Variants in EED observed in about 807,000 individuals in gnomAD.
The protein encoded by EED is embryonic ectoderm development, also known as polycomb protein EED.
EED carries 9 observed loss-of-function variants against 61.0 expected under a neutral mutation model. The ratio of observed to expected loss-of-function variants is 0.15; its 90% CI spans 0.09 to 0.26. EED has a LOEUF of 0.26. Among genes scored for constraint, EED ranks in the 10% least tolerant of loss-of-function variants. EED has a pLI of 1.00. For missense variants in EED, 315 were observed against 542.3 expected (o/e 0.58, Z 4.16); for synonymous variants, 187 against 174.4 (o/e 1.07, Z -0.57).
chr11:86,282,151 T>C (rs1946331738), downstream of EED, among the ~76,000 whole-genome samples: 1 of 152,238 alleles, frequency 6.6e-6, no homozygotes, highest in East Asian at 1.9e-4. Context: ...ATTTACTCTA[T>C]ATTTCCAAGA....
chr11:86,262,547 C>G (rs74977253), intron 6 of EED, among the ~76,000 whole-genome samples: 450 of 152,142 alleles, frequency 3.0e-3, no homozygotes, highest in African/African-American at 0.01. Flanking sequence ...CTCACACCCT[C>G]TCCTTCCCTT....
At chr11:86,258,948 C>T (rs1945756955) in intron 6 of EED, among the ~76,000 whole-genome samples, 1 of 151,870 alleles carries the variant, frequency 6.6e-6, no homozygotes, top group African/African-American at 2.4e-5. Flanking sequence ...CTCACTGCAA[C>T]CTCTGCCTCC....
downstream of EED, chr11:86,283,805 T>G (rs773911630): frequency 7.5e-6 from 1 of 133,006 alleles, no homozygotes; most frequent in Non-Finnish European, 1.6e-5. Flanking sequence ...TTAAGAAATA[T>G]AGAGGATAAA....
chr11:86,266,695 A>C (rs1945989609), intron 8 of EED, among the ~76,000 whole-genome samples: 1 of 152,120 alleles, frequency 6.6e-6, no homozygotes, highest in Non-Finnish European at 1.5e-5. Context: ...ACTTGATTAA[A>C]TGGAGAGAAT....
intron 7 of EED, chr11:86,264,684 T>C (rs939345712): frequency 6.5e-6 from 1 of 153,558 alleles, no homozygotes; most frequent in African/African-American, 2.4e-5. Flanking sequence ...GTGCTCACAC[T>C]GTTTTAGGTA....
intron 4 of EED, among the ~76,000 whole-genome samples, 169 bp from the exon 5 acceptor site, chr11:86,256,218 T>C (rs756939091): frequency 2.0e-5 from 3 of 152,250 alleles, no homozygotes; most frequent in Non-Finnish European, 2.9e-5. Context: ...GTTTGATCAT[T>C]TGTTATGGAT....
At chr11:86,249,553 G>A (rs1279919733) in intron 1 of EED, among the ~76,000 whole-genome samples, 1 of 152,164 alleles carries the variant, frequency 6.6e-6, no homozygotes, top group East Asian at 1.9e-4. Context: ...ACTCGTGTGT[G>A]AGATAAGGTA....
intron 9 of EED, among the ~76,000 whole-genome samples, chr11:86,272,348 G>A (rs1259450358): frequency 1.3e-5 from 2 of 151,808 alleles, no homozygotes; most frequent in Non-Finnish European, 2.9e-5. Flanking sequence ...GTGAGCCACC[G>A]CGCCCGGCCA....
chr11:86,245,169 G>C lies in EED; in HGVS notation c.-61G>C. ...CGGCAAGCTCGGGCCGGGCTTGCTT[G>C]ACGGCGGTGTGGCGGAGGCCCCGCC... On this transcript the variant is annotated 5_prime_UTR_variant, in exon 1 of 12. Transcript: ENST00000263360. The C allele has an allele frequency of 7.0e-7, 1 of 1,429,040 alleles. No individual in the cohort carries two copies. Among genetic ancestry groups the C allele is most frequent in the Non-Finnish European group, 9.7e-7 (1 of 1,027,522 alleles). 88.5% of individuals were successfully genotyped at this position (1,429,040 alleles called of 1,614,324 possible). A position where few individuals can be genotyped will look rare whatever the true frequency, so the allele number is the denominator to read the frequency against.
At chr11:86,283,245 C>T (rs1411179110), downstream of EED, among the ~76,000 whole-genome samples, 5 of 152,074 alleles carry the variant, frequency 3.3e-5, no homozygotes, top group Admixed American at 1.3e-4. Context: ...GAAGCAAGCT[C>T]TATGGCTGAG....
At chr11:86,247,003 A>G (rs891840104) in intron 1 of EED, among the ~76,000 whole-genome samples, 1 of 152,234 alleles carries the variant, frequency 6.6e-6, no homozygotes, top group Admixed American at 6.5e-5. Flanking sequence ...TACTACTACT[A>G]ATTTTATGAT....
chr11:86,261,525 G>A (rs1254065466), intron 6 of EED, among the ~76,000 whole-genome samples: 2 of 152,332 alleles, frequency 1.3e-5, no homozygotes, highest in South Asian at 2.1e-4. Context: ...TGGGATTTGG[G>A]GGATGGCTTT....
chr11:86,286,026 C>G, the EED span, among the ~76,000 whole-genome samples: 2 of 151,858 alleles, frequency 1.3e-5, no homozygotes, highest in African/African-American at 2.4e-5. Flanking sequence ...AAACTCTGCA[C>G]AAAAGTAACT....
chr11:86,285,367 C>A, the EED span, among the ~76,000 whole-genome samples: 3 of 152,008 alleles, frequency 2.0e-5, no homozygotes, highest in African/African-American at 7.3e-5. Context: ...CTGCAGTGAG[C>A]TGTGATCACA....
chr11:86,268,005 G>A (rs1474771994), intron 8 of EED: 3 of 151,334 alleles, frequency 2.0e-5, no homozygotes, highest in Admixed American at 6.6e-5. Context: ...ATGATGTTTA[G>A]TTGTTCCTGG....
At chr11:86,250,591 T>C in intron 2 of EED, 143 bp downstream of exon 2, 2 of 901,344 alleles carry the variant, frequency 2.2e-6, no homozygotes, top group Non-Finnish European at 3.0e-6. Flanking sequence ...TTTTTTTTTG[T>C]AGTTCAGACT....
At chr11:86,252,277 T>C in intron 3 of EED, 37 bp downstream of exon 3, 1 of 1,402,086 alleles carries the variant, frequency 7.1e-7, no homozygotes, top group Non-Finnish European at 9.9e-7. Context: ...TTTGGCTTGA[T>C]TTCCAGATCT....
chr11:86,278,155 T>A, intron 11 of EED, 164 bp downstream of exon 11: 1 of 1,328,382 alleles, frequency 7.5e-7, no homozygotes, highest in Non-Finnish European at 9.6e-7. Context: ...TAATTTTTGT[T>A]TTTCCTAAGT....
chr11:86,249,972 C>T (rs1013213522), intron 1 of EED, among the ~76,000 whole-genome samples: 2 of 152,138 alleles, frequency 1.3e-5, no homozygotes, highest in African/African-American at 4.8e-5. Flanking sequence ...CTTCCAGTAC[C>T]TTTTGTAAAG....
Sources: gnomAD v4.1 joint callset for allele counts (sites outside exome capture counted in the v4.1 genomes callset) on GRCh38, gnomAD v4.1.1 for gene constraint, MANE v1.5 for transcripts, NCBI Gene and HGNC (gene_info 2026-07-23, HGNC 2026-07-21) for gene names.